The following PTBP3 variants were observed in gnomAD, a reference collection of about 807,000 sequenced individuals.
PTBP3 encodes the protein polypyrimidine tract-binding protein 3.
Under a neutral mutation model 58.7 loss-of-function variants are expected in PTBP3, and 20 were observed. The observed-to-expected ratio is 0.34, with a 90% CI of 0.24 to 0.50. PTBP3 has a LOEUF of 0.50. Among genes scored for constraint, PTBP3 ranks in the 20% least tolerant of loss-of-function variants. The pLI is 0.98. For synonymous variants in PTBP3, 185 were observed against 219.8 expected (o/e 0.84, Z 1.40); for missense variants, 509 against 637.2 (o/e 0.80, Z 2.17).
In PTBP3 at chr9:112,222,681, T is replaced by G. The variant is rs1342461167; in HGVS notation, c.*1170A>C. On this transcript the variant is annotated 3_prime_UTR_variant, in exon 14 of 14. Transcript: ENST00000374257. ...CACTTAAAATTGCAATGAAAAAAAT[T>G]TTAAATCCTTACCAAAACAGAGAAA... 3.0e-6 allele frequency: 3 copies of G among 984,172 alleles called. No individual in the cohort carries two copies. The highest frequency in any genetic ancestry group is 5.2e-4 in the Middle Eastern group (1 of 1,912). 61.0% of individuals were successfully genotyped at this position (984,172 alleles called of 1,614,324 possible). A position where few individuals can be genotyped will look rare whatever the true frequency, so the allele number is the denominator to read the frequency against.
intron 7 of PTBP3, among the ~76,000 whole-genome samples, chr9:112,238,485 AG>A (rs1400745499): frequency 6.6e-6 from 1 of 152,222 alleles, no homozygotes; most frequent in African/African-American, 2.4e-5. Flanking sequence ...GAAAGGCAGG[AG>A]AGAAATAGTG....
At chr9:112,344,029 C>T in the PTBP3 span, among the ~76,000 whole-genome samples, 1 of 151,954 alleles carries the variant, frequency 6.6e-6, no homozygotes, top group African/African-American at 2.4e-5. Context: ...GACAGTTCTT[C>T]ATCCAGTATG....
chr9:112,291,807 G>T (rs551838730), intron 2 of PTBP3, among the ~76,000 whole-genome samples: 1 of 152,232 alleles, frequency 6.6e-6, no homozygotes, highest in South Asian at 2.1e-4. Context: ...CAGTGGATTT[G>T]GCAGATTTCT....
upstream of PTBP3, among the ~76,000 whole-genome samples, chr9:112,333,918 C>G (rs1324130548): frequency 6.7e-6 from 1 of 150,142 alleles, no homozygotes; most frequent in East Asian, 2.0e-4. Context: ...CTTGTGCTTC[C>G]CGCTCCGCCG....
At chr9:112,283,758 C>T (rs991525982) in intron 2 of PTBP3, among the ~76,000 whole-genome samples, 3 of 152,228 alleles carry the variant, frequency 2.0e-5, no homozygotes. Context: ...CCATCACAGA[C>T]CTGGAGGCCT....
At position 112,220,921 on chromosome 9, in the gene PTBP3, C is replaced by T; in HGVS notation, c.*2930G>A. 3.1e-6 allele frequency: 3 copies of T among 965,938 alleles called. No homozygotes were observed. Among genetic ancestry groups the T allele is most frequent in the Non-Finnish European group, 3.7e-6 (3 of 812,368 alleles). 59.8% of individuals were successfully genotyped at this position (965,938 alleles called of 1,614,324 possible). A position where few individuals can be genotyped will look rare whatever the true frequency, so the allele number is the denominator to read the frequency against. On this transcript the variant is annotated 3_prime_UTR_variant, in exon 14 of 14. Coordinates refer to ENST00000374257, the MANE Select transcript of PTBP3 (RefSeq NM_001163788.4). ...ACTACGGTAGATCAACAGAGAAAAA[C>T]CATTGCTAGAAGATACTGAATAAAT...
At chr9:112,364,099 C>G in the PTBP3 span, among the ~76,000 whole-genome samples, 20 of 150,556 alleles carry the variant, frequency 1.3e-4, 1 homozygote, top group African/African-American at 4.6e-4. Flanking sequence ...CAGTGTGTAC[C>G]CTTTCCAGAC....
intron 1 of PTBP3, among the ~76,000 whole-genome samples, chr9:112,314,129 C>T (rs1340596778): frequency 1.3e-5 from 2 of 152,126 alleles, no homozygotes; most frequent in African/African-American, 4.8e-5. Flanking sequence ...ATATAAAAGA[C>T]TTCAGCCTCT....
intron 9 of PTBP3, 137 bp downstream of exon 9, chr9:112,231,962 G>T (rs1178773669): frequency 3.0e-5 from 10 of 328,046 alleles, no homozygotes; most frequent in Non-Finnish European, 4.5e-5. Flanking sequence ...GAGAAGAGAA[G>T]AGAAGAGAGA....
intron 1 of PTBP3, among the ~76,000 whole-genome samples, chr9:112,302,804 G>C (rs954588798): frequency 6.6e-6 from 1 of 151,918 alleles, no homozygotes; most frequent in African/African-American, 2.4e-5. Context: ...TGGTCAGGCT[G>C]GTCTCGAACT....
chr9:112,234,820 C>T lies in PTBP3; in HGVS notation c.880G>A (p.Gly294Ser). The change falls in exon 8 of 14, where the codon GGT (glycine) becomes AGT (serine). Residue 294 changes from glycine to serine, a missense_variant and splice_region_variant. Gly to Ser is a moderately conservative substitution (Grantham distance 56, BLOSUM62 0). This residue lies in a region of PTBP3 where 121 missense variants were observed against 114.8 expected (regional missense o/e 1.05). Coordinates refer to ENST00000374257, the MANE Select transcript of PTBP3 (RefSeq NM_001163788.4). ...TTCAAATCCAACTTAAAAGAATCACCTGTAGCTTGAGGAAATCCAATGGCT... is the reference window on the plus strand; with the variant it reads ...TTCAAATCCAACTTAAAAGAATCACTTGTAGCTTGAGGAAATCCAATGGCT... ...APAIGFPQAT[G>S]LSVPAVPGAL... 1.9e-6 allele frequency: 3 copies of T among 1,608,448 alleles called. No individual in the cohort carries two copies. Among genetic ancestry groups the T allele is most frequent in the Non-Finnish European group, 2.6e-6 (3 of 1,175,254 alleles).
chr9:112,288,094 T>C (rs1206821444), intron 2 of PTBP3, among the ~76,000 whole-genome samples: 2 of 152,204 alleles, frequency 1.3e-5, no homozygotes, highest in Non-Finnish European at 2.9e-5. Flanking sequence ...AGCTACACTG[T>C]TTTGGAGTTT....
intron 1 of PTBP3, among the ~76,000 whole-genome samples, chr9:112,307,364 G>A (rs534591980): frequency 6.6e-6 from 1 of 152,076 alleles, no homozygotes; most frequent in Non-Finnish European, 1.5e-5. Flanking sequence ...TGAGGTGGGA[G>A]GATTGATTGA....
At position 112,256,386 on chromosome 9, in the gene PTBP3, G is replaced by C. The variant is rs201102716; in HGVS notation, c.517-3598C>G. On this transcript the variant is annotated intron_variant, in intron 5 of 13. Coordinates refer to ENST00000374257, the MANE Select transcript of PTBP3 (RefSeq NM_001163788.4). ...ACTGTCTCCTTTCATTAGACTGAAG[G>C]CTCCTTGAAGGAATATACCTTGTCT... is the stretch of plus-strand genomic sequence containing the variant. Among the ~76,000 whole-genome samples the C allele has an allele frequency of 4.1e-4, 62 of 150,338 alleles. No homozygotes were observed. In the East Asian group the frequency reaches 0.011, roughly 27 times the overall value.
chr9:112,350,278 C>T, the PTBP3 span, among the ~76,000 whole-genome samples: 1 of 152,054 alleles, frequency 6.6e-6, no homozygotes, highest in Non-Finnish European at 1.5e-5. Flanking sequence ...TCAGTGTACA[C>T]TGCTCGGATA....
At chr9:112,272,634 CA>C (rs1827439255) in intron 3 of PTBP3, 2 of 151,966 alleles carry the variant, frequency 1.3e-5, no homozygotes, top group African/African-American at 4.8e-5. Flanking sequence ...AGTGCCTATT[CA>C]CAGGCACGAT....
chr9:112,224,734 A>G (rs1325018845), intron 12 of PTBP3, among the ~76,000 whole-genome samples: 4 of 152,300 alleles, frequency 2.6e-5, no homozygotes, highest in Non-Finnish European at 5.9e-5. Context: ...TATCCTCTGT[A>G]AACACTTTGG....
At chr9:112,288,887 T>C (rs1436505506) in intron 2 of PTBP3, among the ~76,000 whole-genome samples, 4 of 152,238 alleles carry the variant, frequency 2.6e-5, no homozygotes, top group Non-Finnish European at 5.9e-5. Context: ...CCCGCATTTC[T>C]TGCTATGAAA....
At chr9:112,333,981 G>A (rs983386676), upstream of PTBP3, among the ~76,000 whole-genome samples, 2 of 147,898 alleles carry the variant, frequency 1.4e-5, no homozygotes, top group Non-Finnish European at 1.5e-5. Context: ...TTCGCAGACC[G>A]GGCCTGCCAG....
Sources: allele counts gnomAD v4.1 joint callset (sites outside exome capture counted in the v4.1 genomes callset), GRCh38; gene constraint gnomAD v4.1.1; regional missense constraint gnomAD v4.1.1; transcripts MANE v1.5; gene names NCBI Gene and HGNC (gene_info 2026-07-23, HGNC 2026-07-21).